Variants in CATSPER2 observed in about 807,000 individuals in gnomAD.
CATSPER2 encodes cation channel sperm associated 2.
A neutral mutation model predicts 68.8 loss-of-function variants in CATSPER2; 56 were observed. That is an observed-to-expected ratio of 0.81 (90% CI 0.66 to 1.02). The LOEUF (loss-of-function observed/expected upper bound fraction) is 1.02. Ranked by LOEUF, CATSPER2 falls within the 50% of genes least tolerant of loss-of-function variation. The pLI, the probability that CATSPER2 is intolerant of heterozygous loss-of-function variation, is 0.00. For synonymous variants in CATSPER2, 198 were observed against 229.9 expected (o/e 0.86, Z 1.26); for missense variants, 582 against 642.0 (o/e 0.91, Z 1.01).
In CATSPER2 at chr15:43,639,813, C is replaced by A. The variant is rs765937141; in HGVS notation, c.562-15G>T. The A allele has an allele frequency of 2.5e-6, 4 of 1,611,336 alleles. No individual in the cohort carries two copies. In the South Asian group the frequency reaches 3.3e-5, roughly 13 times the overall value. On this transcript the variant is annotated splice_polypyrimidine_tract_variant and intron_variant, in intron 5 of 12. Coordinates refer to ENST00000396879, the MANE Select transcript of CATSPER2 (RefSeq NM_172095.4). ...GGAAGCAGGGACTGTGGAAAACACA[C>A]AGGTTATAAGTAAAATACACCCCAA...
Position 43,647,965 on chromosome 15 carries a change from G to A in CATSPER2, c.97C>T (p.Gln33Ter). 1 of 1,613,730 alleles carries A rather than the reference G, an allele frequency of 6.2e-7. No homozygotes were observed. The highest frequency in any genetic ancestry group is 8.5e-7 in the Non-Finnish European group (1 of 1,179,788). Residue 33 changes from glutamine to a stop codon, truncating the protein, a stop_gained, in exon 2 of 13, where the codon CAA becomes TAA. Transcript: ENST00000396879. LOFTEE classifies it high-confidence loss of function. The part of the protein sequence containing the change: ...IDTFSLIEHL[Q>*]GLSQAVPRHT... ...CGCGGCACAGCTTGGCTCAAGCCTT[G>A]CAAATGCTCAATGAGAGAGAAAGTA...
chr15:43,635,829 G>T lies in CATSPER2; in HGVS notation c.1022-3C>A, dbSNP rs747150056. The stretch of plus-strand genomic sequence containing the variant: ...CCTGATATTCTGAAAGTTAGTAACT[G>T]CCCCAAAGGGCCATTAGGAGCTGGG... On this transcript the variant is annotated splice_polypyrimidine_tract_variant and splice_region_variant and intron_variant, in intron 8 of 12. Transcript: ENST00000396879. 3.7e-6 allele frequency: 6 copies of T among 1,611,482 alleles called. No individual in the cohort carries two copies. Among genetic ancestry groups the T allele is most frequent in the South Asian group, 3.3e-5 (3 of 90,934 alleles).
chr15:43,637,088 GC>G (rs1297049293), intron 7 of CATSPER2, among the ~76,000 whole-genome samples: 2 of 151,898 alleles, frequency 1.3e-5, no homozygotes, highest in East Asian at 3.8e-4. Flanking sequence ...CTCCTAAAGT[GC>G]TGGGATTACA....
intron 4 of CATSPER2, among the ~76,000 whole-genome samples, chr15:43,642,045 G>C (rs368914126): frequency 6.6e-6 from 1 of 151,304 alleles, no homozygotes; most frequent in South Asian, 2.1e-4. Flanking sequence ...TTTCTTTCAC[G>C]TAAGTTTCTC....
chr15:43,631,507 G>C (rs1409544638), intron 12 of CATSPER2: 1 of 379,096 alleles, frequency 2.6e-6, no homozygotes, highest in East Asian at 8.2e-5. Flanking sequence ...GGGATTACAG[G>C]TGTGAGCCAC....
At chr15:43,645,490 T>C (rs1324386660) in intron 4 of CATSPER2, among the ~76,000 whole-genome samples, 2 of 151,670 alleles carry the variant, frequency 1.3e-5, no homozygotes, top group Non-Finnish European at 2.9e-5. Flanking sequence ...TCCCTTCTCT[T>C]AAAAATTCCT....
chr15:43,644,141 C>T (rs539029320), intron 4 of CATSPER2, among the ~76,000 whole-genome samples: 1 of 151,906 alleles, frequency 6.6e-6, no homozygotes, highest in African/African-American at 2.4e-5. Flanking sequence ...AGAGAATTAC[C>T]AATATCCAGT....
At position 43,638,292 on chromosome 15, in the gene CATSPER2, T is replaced by TTTTTTTC. The variant is rs1341219437; in HGVS notation, c.842+611_842+612insGAAAAAA. Among the ~76,000 whole-genome samples, 356 of 133,754 alleles carry TTTTTTTC rather than the reference T, an allele frequency of 2.7e-3. 19 individuals are homozygous for TTTTTTTC. In the East Asian group the frequency reaches 0.067, roughly 25 times the overall value. 87.7% of individuals were successfully genotyped at this position (133,754 alleles called of 152,430 possible). A position where few individuals can be genotyped will look rare whatever the true frequency, so the allele number is the denominator to read the frequency against. On this transcript the variant is annotated intron_variant, in intron 7 of 12. Coordinates refer to ENST00000396879, the MANE Select transcript of CATSPER2 (RefSeq NM_172095.4). ...CTTTTCTTTTTCTTTCTTTCTTTTT[T>TTTTTTTC]TTTTTTTTTTTTTTTGAGATGGAGT...
intron 4 of CATSPER2, 127 bp downstream of exon 4, chr15:43,646,923 C>A: frequency 2.5e-6 from 2 of 802,744 alleles, no homozygotes. Flanking sequence ...CACCATGTTG[C>A]CCAGGCTGGT....
At chr15:43,646,417 G>A (rs1319025149) in intron 4 of CATSPER2, among the ~76,000 whole-genome samples, 2 of 151,242 alleles carry the variant, frequency 1.3e-5, no homozygotes, top group African/African-American at 2.4e-5. Context: ...CCACCACCAC[G>A]CCCAGCTAAT....
At chr15:43,641,697 C>T (rs2447208) in intron 4 of CATSPER2, among the ~76,000 whole-genome samples, 32,983 of 151,664 alleles carry the variant, frequency 0.22, 5,834 homozygotes, top group African/African-American at 0.48. Flanking sequence ...AATGGAGTTA[C>T]GCTATACTTA....
At chr15:43,631,666 A>G in intron 12 of CATSPER2, 1 of 244,324 alleles carries the variant, frequency 4.1e-6, no homozygotes, top group South Asian at 5.7e-5. Flanking sequence ...TTATCTTTAT[A>G]GAGGCTGACA....
Position 43,632,365 on chromosome 15 carries a change from T to C in CATSPER2, c.1397-2A>G, listed in dbSNP as rs1407024473. ...CAAGAGTCTCCCAGTCCAAACGACC[T>C]GCAGGGAGGAATGCTTCAGAAAAGC... On this transcript the variant is annotated splice_acceptor_variant, in intron 11 of 12. Coordinates refer to ENST00000396879, the MANE Select transcript of CATSPER2 (RefSeq NM_172095.4). LOFTEE classifies it high-confidence loss of function. The C allele has an allele frequency of 6.2e-7, 1 of 1,613,460 alleles. No homozygotes were observed. Among genetic ancestry groups the C allele is most frequent in the South Asian group, 1.1e-5 (1 of 91,046 alleles).
rs1454811458 is a variant in CATSPER2 at position 43,631,054 on chromosome 15, C to T, written c.1562-322G>A. ...AGCAAAGCCTGTCTTTCACATCTTG[C>T]CCTAAATTCCATGTTCCAATATTAT... On this transcript the variant is annotated intron_variant, in intron 12 of 12. Coordinates refer to ENST00000396879, the MANE Select transcript of CATSPER2 (RefSeq NM_172095.4). Among the ~76,000 whole-genome samples, 4 of 152,068 alleles carry T rather than the reference C, an allele frequency of 2.6e-5. No individual in the cohort carries two copies. In the East Asian group the frequency reaches 7.7e-4, roughly 29 times the overall value.
At position 43,630,466 on chromosome 15, in the gene CATSPER2, T is replaced by C. The variant is rs1222115418; in HGVS notation, c.*235A>G. ...GACTCCCAGGTTCAAGTGATTCTCC[T>C]GCCTCAGGCTCCCAAGTAGCTATGA... On this transcript the variant is annotated 3_prime_UTR_variant, in exon 13 of 13. Coordinates refer to ENST00000396879, the MANE Select transcript of CATSPER2 (RefSeq NM_172095.4). 17 of 793,896 alleles carry C rather than the reference T, an allele frequency of 2.1e-5. No homozygotes were observed. Among genetic ancestry groups the C allele is most frequent in the Admixed American group, 2.9e-5 (1 of 34,572 alleles). The allele number at this position is 793,896 out of a possible 1,614,324, so 49.2% of individuals were successfully genotyped here.
At chr15:43,646,005 T>A (rs557149705) in intron 4 of CATSPER2, among the ~76,000 whole-genome samples, 2 of 152,162 alleles carry the variant, frequency 1.3e-5, no homozygotes, top group East Asian at 3.9e-4. Context: ...AATATCTTAG[T>A]TGTACCTACC....
At position 43,648,780 on chromosome 15, in the gene CATSPER2, G is replaced by C; in HGVS notation, c.-154C>G. On this transcript the variant is annotated 5_prime_UTR_variant, in exon 1 of 13. Transcript: ENST00000396879. The stretch of plus-strand genomic sequence containing the variant: ...CATTCCCCGCCCCGCTCGACCCCCA[G>C]GTTTCGGCTCACCCCGGGACCCGGC... 1.3e-6 allele frequency: 2 copies of C among 1,528,632 alleles called. No individual in the cohort carries two copies. Among genetic ancestry groups the C allele is most frequent in the South Asian group, 1.2e-5 (1 of 83,190 alleles). 94.7% of individuals were successfully genotyped at this position (1,528,632 alleles called of 1,614,324 possible).
At chr15:43,642,237 C>T (rs1198261115) in intron 4 of CATSPER2, among the ~76,000 whole-genome samples, 12 of 151,582 alleles carry the variant, frequency 7.9e-5, no homozygotes, top group South Asian at 4.2e-4. Flanking sequence ...GTAGCTGGGA[C>T]TACAGACATG....
At chr15:43,638,643 T>C (rs2086011989) in intron 7 of CATSPER2, among the ~76,000 whole-genome samples, 1 of 151,836 alleles carries the variant, frequency 6.6e-6, no homozygotes, top group South Asian at 2.1e-4. Context: ...CACTGGAGTG[T>C]ACTGCTATTT....
Sources: gnomAD v4.1 joint callset for allele counts (sites outside exome capture counted in the v4.1 genomes callset) on GRCh38, gnomAD v4.1.1 for gene constraint, MANE v1.5 for transcripts, NCBI Gene and HGNC (gene_info 2026-07-23, HGNC 2026-07-21) for gene names.